ZNF469: variants seen among roughly 807,000 people sequenced by gnomAD.
The protein encoded by ZNF469 is zinc finger protein 469.
A neutral mutation model predicts 1.0 loss-of-function variants in ZNF469; 1 was observed. That is an observed-to-expected ratio of 1.00 (90% CI 0.35 to 4.73). The LOEUF (loss-of-function observed/expected upper bound fraction) is 4.73. Ranked by LOEUF, ZNF469 falls within the 30% of genes most tolerant of loss-of-function variation. The pLI is 0.16. For synonymous variants in ZNF469, 2,703 were observed against 2,363.4 expected (o/e 1.14, Z -4.17); for missense variants, 6,100 against 5,356.3 (o/e 1.14, Z -4.33).
At chr16:88,416,683 C>G (rs543408725) in intron 1 of ZNF469, among the ~76,000 whole-genome samples, 1 of 152,348 alleles carries the variant, frequency 6.6e-6, no homozygotes, top group African/African-American at 2.4e-5. Context: ...CTAGCATCAA[C>G]AAGCAGTCAC....
the ZNF469 span, among the ~76,000 whole-genome samples, chr16:88,227,984 C>G: frequency 5.9e-3 from 904 of 152,352 alleles, 11 homozygotes; most frequent in African/African-American, 0.021. Context: ...CCCAGCCAGG[C>G]TCCGCATCCA....
At chr16:88,417,465 G>A (rs1310487529) in intron 1 of ZNF469, among the ~76,000 whole-genome samples, 1 of 152,208 alleles carries the variant, frequency 6.6e-6, no homozygotes, top group Non-Finnish European at 1.5e-5. Flanking sequence ...AGCCGTCTCA[G>A]CCTTGGGATA....
the ZNF469 span, among the ~76,000 whole-genome samples, chr16:88,216,961 T>A: frequency 3.7e-4 from 56 of 152,332 alleles, no homozygotes; most frequent in African/African-American, 1.3e-3. Context: ...TAAAATTCCC[T>A]CTGGTGAATT....
chr16:88,370,484 G>A, the ZNF469 span, among the ~76,000 whole-genome samples: 23 of 152,144 alleles, frequency 1.5e-4, no homozygotes, highest in South Asian at 4.4e-3. Context: ...TGGGATCCAC[G>A]TGCCCTGAAC....
the ZNF469 span, among the ~76,000 whole-genome samples, chr16:88,247,801 ATGAG>A: frequency 1.1e-4 from 16 of 151,156 alleles, no homozygotes; most frequent in South Asian, 6.3e-4. Context: ...AAATGAGTGA[ATGAG>A]TGAGTGAGTG....
chr16:88,404,908 C>G (rs1184284786), intron 1 of ZNF469, among the ~76,000 whole-genome samples: 7 of 152,164 alleles, frequency 4.6e-5, no homozygotes, highest in Non-Finnish European at 7.3e-5. Flanking sequence ...AACGCAACTC[C>G]AAACAGACTT....
chr16:88,337,881 C>G, the ZNF469 span, among the ~76,000 whole-genome samples: 2 of 152,288 alleles, frequency 1.3e-5, no homozygotes, highest in East Asian at 3.9e-4. Context: ...ATATGCTGGA[C>G]GCTAAACCCT....
rs1374126665 is a variant in ZNF469, at chr16:88,419,268, C to T, written c.-191-5539C>T. Among the ~76,000 whole-genome samples the T allele has an allele frequency of 5.3e-5, 8 of 152,338 alleles. No individual in the cohort carries two copies. The South Asian group carries it at 1.4e-3, about 28-fold the overall frequency. On this transcript the variant is annotated intron_variant, in intron 1 of 2. Coordinates refer to ENST00000565624, the MANE Select transcript of ZNF469 (RefSeq NM_001367624.2). ...GGGGACGGTGCCCAGGGTGACACAG[C>T]TCGGACAGGATCAGCCCTGGTGGGC...
chr16:88,405,807 A>G (rs1336776925), intron 1 of ZNF469, among the ~76,000 whole-genome samples: 1 of 151,988 alleles, frequency 6.6e-6, no homozygotes, highest in African/African-American at 2.4e-5. Context: ...AGCCCGCCCC[A>G]CGGCCCAGGC....
chr16:88,388,755 G>T (rs1194413173), intron 1 of ZNF469, among the ~76,000 whole-genome samples: 1 of 152,166 alleles, frequency 6.6e-6, no homozygotes, highest in Non-Finnish European at 1.5e-5. Context: ...ATCTGTAGAA[G>T]CCGGAGAGCC....
the ZNF469 span, among the ~76,000 whole-genome samples, chr16:88,255,288 G>A: frequency 6.6e-6 from 1 of 152,278 alleles, no homozygotes; most frequent in East Asian, 1.9e-4. Context: ...TTAGAATATA[G>A]TGCTAAGCCA....
chr16:88,312,494 G>C, the ZNF469 span, among the ~76,000 whole-genome samples: 5 of 152,244 alleles, frequency 3.3e-5, no homozygotes, highest in South Asian at 1.0e-3. Flanking sequence ...TTGCTCGTGT[G>C]CCTGTGTTTT....
chr16:88,274,622 TGTGCTC>T, the ZNF469 span, among the ~76,000 whole-genome samples: 1 of 152,314 alleles, frequency 6.6e-6, no homozygotes, highest in Non-Finnish European at 1.5e-5. Flanking sequence ...GTGACATGCG[TGTGCTC>T]TGTGTGAAAA....
the ZNF469 span, among the ~76,000 whole-genome samples, chr16:88,364,241 A>G: frequency 5.3e-5 from 8 of 152,184 alleles, no homozygotes; most frequent in African/African-American, 1.9e-4. Context: ...GCAATAATTC[A>G]TTGGCACCTT....
At chr16:88,191,281 C>T in the ZNF469 span, among the ~76,000 whole-genome samples, 3 of 152,126 alleles carry the variant, frequency 2.0e-5, no homozygotes, top group Admixed American at 6.6e-5. Flanking sequence ...GAGTGAAGGG[C>T]ACCCGAGGTT....
At chr16:88,320,133 A>G in the ZNF469 span, among the ~76,000 whole-genome samples, 2 of 152,340 alleles carry the variant, frequency 1.3e-5, no homozygotes, top group East Asian at 3.9e-4. Context: ...GCACGGGGGA[A>G]GCTGCTTGCC....
chr16:88,198,436 C>T, the ZNF469 span, among the ~76,000 whole-genome samples: 1 of 152,212 alleles, frequency 6.6e-6, no homozygotes, highest in Non-Finnish European at 1.5e-5. Flanking sequence ...CCTGCAATGG[C>T]AGAACATTCT....
Position 88,430,915 on chromosome 16 carries a change from G to A in ZNF469, c.3445G>A (p.Asp1149Asn). ...GGCGGCGAGGCAGGAAGCCGGCGGG[G>A]ACGGAGCCCCCGCGAACCCCGAGGA... ...RKAARQEAGGDGAPANPEEPG... is the reference protein window; with the variant it reads ...RKAARQEAGGNGAPANPEEPG... Residue 1149 changes from aspartate to asparagine, a missense_variant, in exon 3 of 3, where the codon GAC (aspartate) becomes AAC (asparagine). By Grantham distance (23) the Asp-to-Asn change is conservative. Transcript: ENST00000565624. The A allele has an allele frequency of 6.5e-7, 1 of 1,537,122 alleles. No individual in the cohort carries two copies. The highest frequency in any genetic ancestry group is 1.2e-5 in the South Asian group (1 of 83,944).
intron 1 of ZNF469, among the ~76,000 whole-genome samples, chr16:88,392,253 T>C (rs1904511808): frequency 6.6e-6 from 1 of 152,280 alleles, no homozygotes; most frequent in Non-Finnish European, 1.5e-5. Context: ...TGGCCAGCGA[T>C]GTGCAAACGC....
Sources: allele counts gnomAD v4.1 joint callset (sites outside exome capture counted in the v4.1 genomes callset), GRCh38; gene constraint gnomAD v4.1.1; transcripts MANE v1.5; gene names NCBI Gene and HGNC (gene_info 2026-07-23, HGNC 2026-07-21).